WIPF3: variants seen among roughly 807,000 people sequenced by gnomAD.
WIPF3 encodes the protein WAS/WASL interacting protein family member 3.
Under a neutral mutation model 38.9 loss-of-function variants are expected in WIPF3, and 33 were observed. The observed-to-expected ratio is 0.85, with a 90% CI of 0.64 to 1.14. The LOEUF (loss-of-function observed/expected upper bound fraction) is 1.14, where lower values mean the gene tolerates loss of function less well. WIPF3 is among the 50% of genes most tolerant of loss of function. The pLI, the probability that WIPF3 is intolerant of heterozygous loss-of-function variation, is 0.00. For missense variants in WIPF3, 711 were observed against 652.5 expected (o/e 1.09, Z -0.98); for synonymous variants, 324 against 269.3 (o/e 1.20, Z -1.99).
chr7:29,861,894 T>A (rs1785284484), intron 2 of WIPF3, among the ~76,000 whole-genome samples: 1 of 152,148 alleles, frequency 6.6e-6, no homozygotes, highest in South Asian at 2.1e-4. Context: ...ATCAGGTAAA[T>A]GAAGAAAGAT....
intron 7 of WIPF3, 84 bp from the exon 8 acceptor site, chr7:29,904,202 C>A: frequency 1.5e-6 from 2 of 1,343,512 alleles, no homozygotes; most frequent in Non-Finnish European, 2.1e-6. Context: ...GTTTTAAGTG[C>A]TGATTTAGAG....
chr7:29,900,870 T>G (rs1786261812), intron 7 of WIPF3, among the ~76,000 whole-genome samples: 1 of 152,222 alleles, frequency 6.6e-6, no homozygotes. Flanking sequence ...CTCTCCACTC[T>G]GATGCCAGGG....
At chr7:29,871,187 C>CTCTTT (rs1785490702) in intron 2 of WIPF3, among the ~76,000 whole-genome samples, 2 of 152,192 alleles carry the variant, frequency 1.3e-5, no homozygotes, top group Admixed American at 6.5e-5. Context: ...TTTCATGTCT[C>CTCTTT]TCTTTTGGAT....
intron 2 of WIPF3, among the ~76,000 whole-genome samples, chr7:29,860,680 T>C (rs1785259989): frequency 6.6e-6 from 1 of 152,176 alleles, no homozygotes; most frequent in Non-Finnish European, 1.5e-5. Flanking sequence ...ATCGCTAAGA[T>C]TGGAGCCATA....
rs577039138 is a variant in WIPF3, at chr7:29,842,904, C to T, written c.90+8090C>T. ...AAAAATTCTTACACACTGTCACTCACTTAGGTTCCCCTGACACTCTGGTAC... is the reference window on the plus strand; with the variant it reads ...AAAAATTCTTACACACTGTCACTCATTTAGGTTCCCCTGACACTCTGGTAC... On this transcript the variant is annotated intron_variant, in intron 2 of 8. Coordinates refer to ENST00000242140, the MANE Select transcript of WIPF3 (RefSeq NM_001080529.3). Among the ~76,000 whole-genome samples, 220 of 152,330 alleles carry T rather than the reference C, an allele frequency of 1.4e-3. 2 individuals carry two copies. Among genetic ancestry groups the T allele is most frequent in the African/African-American group, 5.3e-3 (219 of 41,566 alleles).
intron 1 of WIPF3, among the ~76,000 whole-genome samples, chr7:29,830,315 T>G (rs1455269730): frequency 6.6e-6 from 1 of 152,008 alleles, no homozygotes; most frequent in Admixed American, 6.6e-5. Context: ...TTATGGGGTT[T>G]CTTTCACTTA....
intron 2 of WIPF3, among the ~76,000 whole-genome samples, chr7:29,854,107 A>G (rs10238265): frequency 0.018 from 2,787 of 152,296 alleles, 89 homozygotes; most frequent in African/African-American, 0.065. Context: ...TCAGTGAGGC[A>G]CCCGGCCTTT....
intron 1 of WIPF3, among the ~76,000 whole-genome samples, chr7:29,811,818 A>C (rs1042636213): frequency 2.6e-5 from 4 of 152,214 alleles, no homozygotes; most frequent in African/African-American, 9.7e-5. Flanking sequence ...TGCAGGGCCA[A>C]AATGCTGTGG....
At chr7:29,906,450 A>T (rs373483172) in intron 8 of WIPF3, among the ~76,000 whole-genome samples, 6 of 152,220 alleles carry the variant, frequency 3.9e-5, no homozygotes, top group African/African-American at 1.4e-4. Context: ...AAGAATCAAC[A>T]AACTTGAAGA....
At chr7:29,861,193 A>C (rs1475000809) in intron 2 of WIPF3, among the ~76,000 whole-genome samples, 1 of 151,772 alleles carries the variant, frequency 6.6e-6, no homozygotes, top group East Asian at 1.9e-4. Flanking sequence ...ATTTCCCCCT[A>C]CTCTGTCCCT....
intron 2 of WIPF3, among the ~76,000 whole-genome samples, chr7:29,859,179 C>G (rs1279348810): frequency 6.6e-6 from 1 of 152,110 alleles, no homozygotes; most frequent in Admixed American, 6.6e-5. Context: ...AATGGATAAA[C>G]CACACCACAT....
rs60368634 is a variant in WIPF3 at position 29,806,870 on chromosome 7, G to C, written c.-58+192G>C. 2.5e-3 allele frequency among the ~76,000 whole-genome samples: 384 copies of C among 151,368 alleles called. 5 individuals are homozygous for C. The East Asian group carries it at 0.051, about 20-fold the overall frequency. On this transcript the variant is annotated intron_variant, in intron 1 of 8. Coordinates refer to ENST00000242140, the MANE Select transcript of WIPF3 (RefSeq NM_001080529.3). The stretch of plus-strand genomic sequence containing the variant: ...CCAGGAGGTTGTCGACGTGCCGCGC[G>C]GCGCTCACGCCCCCCACCCGCACCC...
intron 1 of WIPF3, among the ~76,000 whole-genome samples, chr7:29,830,998 G>C (rs1784710510): frequency 1.3e-5 from 2 of 152,192 alleles, no homozygotes; most frequent in African/African-American, 4.8e-5. Context: ...TGTGAAAAGT[G>C]GTGAAAAACT....
At chr7:29,853,645 G>A (rs1419249230) in intron 2 of WIPF3, among the ~76,000 whole-genome samples, 1 of 152,220 alleles carries the variant, frequency 6.6e-6, no homozygotes, top group African/African-American at 2.4e-5. Flanking sequence ...TGGTGATTAA[G>A]ATTCCTGAGC....
At position 29,875,915 on chromosome 7, in the gene WIPF3, T is replaced by A. The variant is rs1251729721; in HGVS notation, c.176T>A (p.Leu59Gln). 2 of 1,613,948 alleles carry A rather than the reference T, an allele frequency of 1.2e-6. No individual in the cohort carries two copies. Among genetic ancestry groups the A allele is most frequent in the South Asian group, 1.1e-5 (1 of 91,094 alleles). The stretch of plus-strand genomic sequence containing the variant: ...GCTGATATCCAGCAAGGAACTCGCC[T>A]GCGCAAAGTCACGCAGATCAACGAC... ...LLADIQQGTRLRKVTQINDRS... is the reference protein window; with the variant it reads ...LLADIQQGTRQRKVTQINDRS... The change falls in exon 3 of 9, where the codon CTG becomes CAG. Residue 59 changes from leucine to glutamine, a missense_variant. Physicochemically the swap from Leu to Gln is moderately radical, Grantham distance 113. Coordinates refer to ENST00000242140, the MANE Select transcript of WIPF3 (RefSeq NM_001080529.3).
intron 1 of WIPF3, among the ~76,000 whole-genome samples, chr7:29,815,368 T>C (rs183881758): frequency 2.4e-3 from 360 of 152,328 alleles, no homozygotes; most frequent in African/African-American, 8.4e-3. Flanking sequence ...CAAATGTGTA[T>C]GTCTTGAGGT....
intron 2 of WIPF3, among the ~76,000 whole-genome samples, chr7:29,837,271 G>A (rs1784820400): frequency 6.7e-6 from 1 of 149,590 alleles, no homozygotes; most frequent in South Asian, 2.1e-4. Flanking sequence ...CAGGAGAATG[G>A]TGTGAACCCA....
intron 2 of WIPF3, among the ~76,000 whole-genome samples, chr7:29,862,193 C>T (rs1026984754): frequency 6.6e-6 from 1 of 152,080 alleles, no homozygotes; most frequent in African/African-American, 2.4e-5. Context: ...CTGGCAGCAC[C>T]TCCTGGCCCA....
At chr7:29,874,994 C>T (rs1352045760) in intron 2 of WIPF3, among the ~76,000 whole-genome samples, 1 of 152,168 alleles carries the variant, frequency 6.6e-6, no homozygotes, top group Non-Finnish European at 1.5e-5. Flanking sequence ...TAGCCTCAAA[C>T]AGACGATTTC....
Sources: gnomAD v4.1 joint callset for allele counts (sites outside exome capture counted in the v4.1 genomes callset) on GRCh38, gnomAD v4.1.1 for gene constraint, MANE v1.5 for transcripts, NCBI Gene and HGNC (gene_info 2026-07-23, HGNC 2026-07-21) for gene names.